Variants in RET observed in about 807,000 individuals in gnomAD.
RET encodes proto-oncogene tyrosine-protein kinase receptor Ret.
Under a neutral mutation model 118.3 loss-of-function variants are expected in RET, and 19 were observed. That is an observed-to-expected ratio of 0.16 (90% CI 0.11 to 0.24). The LOEUF (loss-of-function observed/expected upper bound fraction) is 0.24, where lower values mean the gene tolerates loss of function less well. RET is among the 10% of genes least tolerant of loss of function. The pLI is 1.00. For synonymous variants in RET, 597 were observed against 644.1 expected (o/e 0.93, Z 1.11); for missense variants, 1,219 against 1,502.1 (o/e 0.81, Z 3.12).
chr10:43,104,927 G>A, intron 3 of RET, 25 bp from the exon 4 acceptor site: 2 of 1,549,666 alleles, frequency 1.3e-6, no homozygotes, highest in Non-Finnish European at 1.7e-6. Flanking sequence ...TGATCACGCG[G>A]GGCCCCTGTC....
At chr10:43,077,603 C>G (rs543135334) in intron 1 of RET, among the ~76,000 whole-genome samples, 2 of 151,896 alleles carry the variant, frequency 1.3e-5, no homozygotes, top group Admixed American at 6.5e-5. Context: ...GCTCAGAACC[C>G]TAGCCATAGC....
At chr10:43,077,388 A>G in intron 1 of RET, 57 bp downstream of exon 1, 1 of 1,480,876 alleles carries the variant, frequency 6.8e-7, no homozygotes, top group Non-Finnish European at 8.9e-7. Context: ...GGCGCCGAGC[A>G]GCGGAGCGGG....
At chr10:43,085,943 C>T (rs1400005319) in intron 1 of RET, among the ~76,000 whole-genome samples, 1 of 152,204 alleles carries the variant, frequency 6.6e-6, no homozygotes, top group Non-Finnish European at 1.5e-5. Flanking sequence ...CCTACTGTCT[C>T]AGAGGCTCCT....
At chr10:43,079,028 G>T (rs552161542) in intron 1 of RET, among the ~76,000 whole-genome samples, 1 of 152,216 alleles carries the variant, frequency 6.6e-6, no homozygotes, top group East Asian at 1.9e-4. Flanking sequence ...AGCTGCCAAG[G>T]ACCGCCCCAG....
In RET at chr10:43,105,160, C is replaced by T. The variant is rs41306550; in HGVS notation, c.834C>T (p.Thr278=). ...CCACCTTCCCCGCGGGCGTCGACAC[C>T]GCCAGCGCCGTGGTGGAGTTCAAGC... The part of the protein sequence containing the change: ...SAPTFPAGVD[T]ASAVVEFKRK... The change falls in exon 4 of 20, where the codon ACC becomes ACT. Residue 278 remains threonine (T), a synonymous_variant. Coordinates refer to ENST00000355710, the MANE Select transcript of RET (RefSeq NM_020975.6). 38 of 1,612,732 alleles carry T rather than the reference C, an allele frequency of 2.4e-5. No individual in the cohort carries two copies. The highest frequency in any genetic ancestry group is 3.1e-5 in the Non-Finnish European group (37 of 1,179,904).
chr10:43,105,317 C>T (rs949330815), intron 4 of RET, 124 bp downstream of exon 4: 5 of 1,431,300 alleles, frequency 3.5e-6, no homozygotes, highest in Admixed American at 1.9e-5. Flanking sequence ...TTTCATTTGT[C>T]CTTCGCCTCC....
At chr10:43,083,351 G>A (rs1837226109) in intron 1 of RET, among the ~76,000 whole-genome samples, 1 of 152,226 alleles carries the variant, frequency 6.6e-6, no homozygotes, top group South Asian at 2.1e-4. Context: ...ATGTGAGACT[G>A]TACTTGGTGA....
intron 15 of RET, among the ~76,000 whole-genome samples, chr10:43,121,016 G>T (rs1002760650): frequency 7.9e-5 from 12 of 152,196 alleles, no homozygotes; most frequent in Non-Finnish European, 1.5e-4. Context: ...AGCCATTTGT[G>T]TTGCCAGGGG....
intron 8 of RET, 113 bp from the exon 9 acceptor site, chr10:43,112,740 C>T (rs751789767): frequency 8.7e-6 from 7 of 803,838 alleles, no homozygotes; most frequent in Non-Finnish European, 1.5e-5. Context: ...TGGTGTTTCC[C>T]TACTCAGGCC....
chr10:43,113,559 G>A lies in RET; in HGVS notation c.1763G>A (p.Gly588Asp), dbSNP rs1398378776. The A allele has an allele frequency of 1.9e-6, 3 of 1,606,814 alleles. No homozygotes were observed. ...INICPQDCLR[G>D]SIVGGHEPGE... The stretch of plus-strand genomic sequence containing the variant: ...AGTGGGCTACGTCTGCCCTCAGGGG[G>A]CAGCATTGTTGGGGGACACGAGCCT... The change falls in exon 10 of 20, where the codon GGC becomes GAC. Residue 588 changes from glycine to aspartate, a missense_variant. By Grantham distance (94) the Gly-to-Asp change is moderately conservative (BLOSUM62 -1). Around this residue, in one of 5 missense-constraint regions of RET, gnomAD observed 850 missense variants for 969.6 expected, o/e 0.88. Coordinates refer to ENST00000355710, the MANE Select transcript of RET (RefSeq NM_020975.6).
intron 18 of RET, 97 bp from the exon 19 acceptor site, chr10:43,126,478 C>G: frequency 9.0e-7 from 1 of 1,110,996 alleles, no homozygotes. Flanking sequence ...GGTGGAGACA[C>G]AGCCAGAGCC....
rs1837606649 is a variant in RET at position 43,100,216 on chromosome 10, T to A, written c.74-243T>A. On this transcript the variant is annotated intron_variant, in intron 1 of 19. Coordinates refer to ENST00000355710, the MANE Select transcript of RET (RefSeq NM_020975.6). ...GGTTCAGGTGCCCTTCCGGCTTGGATGATTGAGAATAGGCTTGTCACTGAG... is the reference window on the plus strand; with the variant it reads ...GGTTCAGGTGCCCTTCCGGCTTGGAAGATTGAGAATAGGCTTGTCACTGAG... Among the ~76,000 whole-genome samples, 4 of 152,200 alleles carry A rather than the reference T, an allele frequency of 2.6e-5. No individual in the cohort carries two copies. The South Asian group carries it at 8.3e-4, about 32-fold the overall frequency.
intron 4 of RET, among the ~76,000 whole-genome samples, chr10:43,105,584 G>T (rs1588866570): frequency 6.6e-6 from 1 of 152,182 alleles, no homozygotes; most frequent in Non-Finnish European, 1.5e-5. Flanking sequence ...GGAGAAGGAC[G>T]GGAAGGCGGA....
rs376854525 is a variant in RET at position 43,124,519 on chromosome 10, G to A, written c.2940-364G>A. 2.5e-4 allele frequency among the ~76,000 whole-genome samples: 38 copies of A among 152,360 alleles called. No individual in the cohort carries two copies. In the East Asian group the frequency reaches 6.6e-3, roughly 26 times the overall value. ...CTCAATCAATTCATTCTTCTTGAGA[G>A]TTTTAAGGACTGGCACTTCTCACTT... On this transcript the variant is annotated intron_variant, in intron 17 of 19. Transcript: ENST00000355710.
intron 14 of RET, 28 bp downstream of exon 14, chr10:43,119,773 C>A (rs1215337273): frequency 6.2e-7 from 1 of 1,606,746 alleles, no homozygotes; most frequent in Middle Eastern, 1.8e-4. Context: ...TGCACCCAGC[C>A]AGCCCCGGCC....
chr10:43,113,433 TC>T, intron 9 of RET, 122 bp from the exon 10 acceptor site: 6 of 1,198,556 alleles, frequency 5.0e-6, no homozygotes, highest in Non-Finnish European at 6.8e-6. Flanking sequence ...GCCCCTGGCC[TC>T]ACTGGGCCTA....
intron 1 of RET, among the ~76,000 whole-genome samples, chr10:43,095,987 C>T (rs1039785646): frequency 6.6e-6 from 1 of 152,204 alleles, no homozygotes; most frequent in Non-Finnish European, 1.5e-5. Context: ...GCCATTTGCA[C>T]CGTCGGTGGG....
At chr10:43,083,833 C>T (rs1480080473) in intron 1 of RET, among the ~76,000 whole-genome samples, 1 of 152,166 alleles carries the variant, frequency 6.6e-6, no homozygotes, top group Non-Finnish European at 1.5e-5. Context: ...ATAAGTGAAC[C>T]ATTTGGTGGC....
chr10:43,077,664 A>C (rs1021521524), intron 1 of RET, among the ~76,000 whole-genome samples: 2 of 152,090 alleles, frequency 1.3e-5, no homozygotes, highest in Admixed American at 6.5e-5. Context: ...TCCTGGAGCA[A>C]ACGGGACAGC....
Sources: allele counts gnomAD v4.1 joint callset (sites outside exome capture counted in the v4.1 genomes callset), GRCh38; gene constraint gnomAD v4.1.1; regional missense constraint gnomAD v4.1.1; transcripts MANE v1.5; gene names NCBI Gene and HGNC (gene_info 2026-07-23, HGNC 2026-07-21).